The following CDC14B variants were observed in gnomAD, a reference collection of about 807,000 sequenced individuals.
The protein encoded by CDC14B is cell division cycle 14B.
A neutral mutation model predicts 64.2 loss-of-function variants in CDC14B; 22 were observed. The ratio of observed to expected loss-of-function variants is 0.34; its 90% CI spans 0.24 to 0.49. The LOEUF (loss-of-function observed/expected upper bound fraction) is 0.49, where lower values mean the gene tolerates loss of function less well. CDC14B is among the 20% of genes least tolerant of loss of function. CDC14B has a pLI of 0.99. For synonymous variants in CDC14B, 191 were observed against 215.8 expected (o/e 0.89, Z 1.01); for missense variants, 498 against 629.9 (o/e 0.79, Z 2.24).
intron 5 of CDC14B, 55 bp downstream of exon 5, chr9:96,551,741 A>AT: frequency 6.3e-7 from 1 of 1,584,854 alleles, no homozygotes; most frequent in Non-Finnish European, 8.6e-7. Context: ...AACTATCAAG[A>AT]TATTTCTGGC....
At chr9:96,514,458 G>C (rs1242419716) in intron 12 of CDC14B, 6 of 985,248 alleles carry the variant, frequency 6.1e-6, no homozygotes, top group Non-Finnish European at 7.2e-6. Flanking sequence ...GCTTTTATTT[G>C]TAAGATATTC....
At chr9:96,509,810 AT>A in intron 12 of CDC14B, 21 bp from the exon 13 acceptor site, 6 of 1,429,030 alleles carry the variant, frequency 4.2e-6, no homozygotes, top group Non-Finnish European at 5.9e-6. Flanking sequence ...TTGGAAAAAA[AT>A]AAGATTATAT....
chr9:96,574,692 T>C (rs1450717802), intron 1 of CDC14B, among the ~76,000 whole-genome samples: 7 of 94,008 alleles, frequency 7.4e-5, no homozygotes, highest in African/African-American at 1.4e-4. Flanking sequence ...CGAAACTCGG[T>C]CTCACAAAAA....
chr9:96,618,606 C>A (rs1847784539), intron 1 of CDC14B: 1 of 532,160 alleles, frequency 1.9e-6, no homozygotes, highest in Non-Finnish European at 3.8e-6. Flanking sequence ...CGGCGGGGAG[C>A]GGACCCCGGG....
chr9:96,525,606 T>A (rs2131586889), intron 9 of CDC14B, among the ~76,000 whole-genome samples: 1 of 152,348 alleles, frequency 6.6e-6, no homozygotes, highest in South Asian at 2.1e-4. Context: ...AAGAGGATGA[T>A]TCTCTAGCCT....
At chr9:96,616,663 G>A (rs2119092916) in intron 1 of CDC14B, among the ~76,000 whole-genome samples, 1 of 151,844 alleles carries the variant, frequency 6.6e-6, no homozygotes, top group East Asian at 1.9e-4. Flanking sequence ...GGCAGAGGTT[G>A]CAGTGAGCCG....
At chr9:96,526,203 TA>T (rs1350468796) in intron 9 of CDC14B, among the ~76,000 whole-genome samples, 2 of 152,014 alleles carry the variant, frequency 1.3e-5, no homozygotes, top group South Asian at 4.2e-4. Context: ...CTGTCTCTAC[TA>T]AAAAATACAA....
At chr9:96,508,302 C>G (rs927972127) in intron 13 of CDC14B, among the ~76,000 whole-genome samples, 3 of 152,200 alleles carry the variant, frequency 2.0e-5, no homozygotes, top group Admixed American at 6.5e-5. Context: ...AGGCGCGAGC[C>G]ACCGCACCCG....
chr9:96,515,809 G>A lies in CDC14B; in HGVS notation c.1344-6020C>T, dbSNP rs1317336184. On this transcript the variant is annotated intron_variant, in intron 12 of 13. Transcript: ENST00000375241. The surrounding 1 kb of genome is among the most constrained non-coding windows in gnomAD (Gnocchi z 4.3). ...AGGGGACATCTGGAAAGGGGTGAAG[G>A]GGAAAGAACAGATGTTCAAATTGGG... 2 of 1,571,152 alleles carry A rather than the reference G, an allele frequency of 1.3e-6. No homozygotes were observed. Among genetic ancestry groups the A allele is most frequent in the Non-Finnish European group, 1.7e-6 (2 of 1,159,272 alleles).
At chr9:96,597,438 G>A (rs1489421507) in intron 1 of CDC14B, among the ~76,000 whole-genome samples, 14 of 150,860 alleles carry the variant, frequency 9.3e-5, no homozygotes, top group Admixed American at 8.6e-4. Context: ...AGGTTGCAGT[G>A]AGCCGAGATT....
chr9:96,571,410 G>A (rs1386053502), intron 1 of CDC14B, among the ~76,000 whole-genome samples: 2 of 151,982 alleles, frequency 1.3e-5, no homozygotes, highest in Non-Finnish European at 2.9e-5. Flanking sequence ...TCCTGACCTC[G>A]TGATCCGCCC....
intron 5 of CDC14B, 48 bp from the exon 6 acceptor site, chr9:96,541,940 TAC>T (rs763438289): frequency 4.7e-6 from 6 of 1,275,826 alleles, no homozygotes; most frequent in Non-Finnish European, 6.8e-6. Context: ...TTTCTGCAAT[TAC>T]ACTTACCTAA....
In CDC14B at chr9:96,515,833, G is replaced by T; in HGVS notation, c.1344-6044C>A. On this transcript the variant is annotated intron_variant, in intron 12 of 13. Transcript: ENST00000375241. This position sits in a 1 kb window ranked among gnomAD's most constrained non-coding sequence, Gnocchi z 4.3. ...GGGGAAAGAACAGATGTTCAAATTGGGAAGCCAAAATAAATTACGCAATCA... is the reference window on the plus strand; with the variant it reads ...GGGGAAAGAACAGATGTTCAAATTGTGAAGCCAAAATAAATTACGCAATCA... 6.6e-7 allele frequency: 1 copy of T among 1,523,476 alleles called. No individual in the cohort carries two copies. Among genetic ancestry groups the T allele is most frequent in the Non-Finnish European group, 8.8e-7 (1 of 1,131,920 alleles). The allele number at this position is 1,523,476 out of a possible 1,614,324, so 94.4% of individuals were successfully genotyped here.
intron 1 of CDC14B, among the ~76,000 whole-genome samples, chr9:96,589,230 T>C (rs1377362760): frequency 6.6e-6 from 1 of 151,940 alleles, no homozygotes; most frequent in Admixed American, 6.6e-5. Flanking sequence ...TCCCAGCTAC[T>C]TGGAAGGCTG....
intron 4 of CDC14B, among the ~76,000 whole-genome samples, chr9:96,558,953 A>G (rs974113430): frequency 3.9e-5 from 6 of 152,226 alleles, no homozygotes; most frequent in Non-Finnish European, 5.9e-5. Flanking sequence ...AGATAGCTGA[A>G]TGGGAAAGCC....
chr9:96,516,860 C>T (rs1052377389), intron 12 of CDC14B, among the ~76,000 whole-genome samples: 19 of 150,926 alleles, frequency 1.3e-4, no homozygotes, highest in Non-Finnish European at 2.7e-4. Context: ...GGTGTGATCT[C>T]GGCTCACTGC....
intron 13 of CDC14B, 113 bp from the exon 14 acceptor site, chr9:96,503,902 C>A: frequency 1.3e-6 from 1 of 776,706 alleles, no homozygotes; most frequent in South Asian, 1.7e-5. Context: ...AAAAAGTATA[C>A]GCTTGCTGTA....
At chr9:96,499,494 T>A (rs1833388864), downstream of CDC14B, among the ~76,000 whole-genome samples, 1 of 152,224 alleles carries the variant, frequency 6.6e-6, no homozygotes, top group Non-Finnish European at 1.5e-5. Context: ...CAAAATGCCC[T>A]GCAGGATCCC....
chr9:96,507,792 G>A (rs1398979862), intron 13 of CDC14B, among the ~76,000 whole-genome samples: 1 of 151,892 alleles, frequency 6.6e-6, no homozygotes, highest in Non-Finnish European at 1.5e-5. Context: ...TAGAAAAATT[G>A]GAAAATAAGA....
Sources: allele counts gnomAD v4.1 joint callset (sites outside exome capture counted in the v4.1 genomes callset), GRCh38; gene constraint gnomAD v4.1.1; non-coding constraint Gnocchi (gnomAD v3.1); transcripts MANE v1.5; gene names NCBI Gene and HGNC (gene_info 2026-07-23, HGNC 2026-07-21).